The following PRKN variants were observed in gnomAD, a reference collection of about 807,000 sequenced individuals.
PRKN encodes the protein parkin RBR E3 ubiquitin protein ligase.
Under a neutral mutation model 59.5 loss-of-function variants are expected in PRKN, and 56 were observed. That is an observed-to-expected ratio of 0.94 (90% CI 0.76 to 1.18). The LOEUF is 1.18. PRKN is among the 50% of genes most tolerant of loss of function. The pLI is 0.00. For missense variants in PRKN, 657 were observed against 596.4 expected (o/e 1.10, Z -1.06); for synonymous variants, 250 against 222.1 (o/e 1.13, Z -1.12).
chr6:161,430,793 C>A (rs1281510409), intron 9 of PRKN, among the ~76,000 whole-genome samples: 1 of 110,844 alleles, frequency 9.0e-6, no homozygotes, highest in Non-Finnish European at 1.7e-5. Context: ...CCAGCCTGGG[C>A]AACACAGCCA....
At chr6:162,040,590 T>G (rs1193138885) in intron 5 of PRKN, among the ~76,000 whole-genome samples, 2 of 147,654 alleles carry the variant, frequency 1.4e-5, no homozygotes, top group African/African-American at 2.5e-5. Context: ...TTTTTTTTTT[T>G]TGTATTTTTT....
In PRKN at chr6:161,462,649, AT is replaced by A; in HGVS notation, c.1084-75773del. On this transcript the variant is annotated intron_variant, in intron 9 of 11. Transcript: ENST00000366898. The surrounding 1 kb of genome is among the most constrained non-coding windows in gnomAD (Gnocchi z 4.5). ...GGGTGATCATATTAAAAAAATCAAAATTTAATATGTCATTAACAGAGGTTAA... is the reference window on the plus strand; with the variant it reads ...GGGTGATCATATTAAAAAAATCAAAATTAATATGTCATTAACAGAGGTTAA... Among the ~76,000 whole-genome samples, 1 of 152,190 alleles carries A rather than the reference AT, an allele frequency of 6.6e-6. No homozygotes were observed. Among genetic ancestry groups the A allele is most frequent in the East Asian group, 1.9e-4 (1 of 5,186 alleles).
intron 1 of PRKN, among the ~76,000 whole-genome samples, chr6:162,595,898 T>A (rs1277527368): frequency 6.6e-6 from 1 of 152,126 alleles, no homozygotes; most frequent in African/African-American, 2.4e-5. Context: ...GAAAATAAGC[T>A]CATTGAATAT....
intron 7 of PRKN, among the ~76,000 whole-genome samples, chr6:161,770,811 G>A (rs1007450106): frequency 2.6e-5 from 4 of 151,998 alleles, no homozygotes; most frequent in Non-Finnish European, 5.9e-5. Flanking sequence ...TATTGGTGTA[G>A]ATCTTCACCC....
chr6:162,238,852 A>G (rs565686020), intron 3 of PRKN, among the ~76,000 whole-genome samples: 26 of 152,294 alleles, frequency 1.7e-4, no homozygotes, highest in African/African-American at 6.3e-4. Context: ...GTGGAGCAGG[A>G]AGCAAAGGAT....
intron 7 of PRKN, among the ~76,000 whole-genome samples, chr6:161,587,546 T>A (rs760823857): frequency 1.3e-5 from 2 of 152,192 alleles, no homozygotes; most frequent in African/African-American, 2.4e-5. Flanking sequence ...AATACTTTAA[T>A]GCTATCCTGA....
At position 161,888,961 on chromosome 6, in the gene PRKN, C is replaced by G. The variant is rs540413302; in HGVS notation, c.734+84341G>C. 4.3e-4 allele frequency among the ~76,000 whole-genome samples: 66 copies of G among 152,196 alleles called. 1 individual carries two copies. The South Asian group carries it at 0.013, about 30-fold the overall frequency. ...TCATTACCCTATTCTGTGCCTGCCT[C>G]AAGAAGCTGACTTTGGGCAGACAAA... is the stretch of plus-strand genomic sequence containing the variant. On this transcript the variant is annotated intron_variant, in intron 6 of 11. Coordinates refer to ENST00000366898, the MANE Select transcript of PRKN (RefSeq NM_004562.3).
intron 4 of PRKN, among the ~76,000 whole-genome samples, chr6:162,152,129 T>C (rs1051340395): frequency 1.3e-5 from 2 of 152,158 alleles, no homozygotes; most frequent in Non-Finnish European, 2.9e-5. Flanking sequence ...AAGGCTCTTC[T>C]CTGATTTTAC....
Position 161,777,719 on chromosome 6 carries a change from A to G in PRKN, c.871+8053T>C, listed in dbSNP as rs909382258. ...ACACAATATATAAGAGATATTTTAT[A>G]TACATATATATCTATATATGTATAT... On this transcript the variant is annotated intron_variant, in intron 7 of 11. Coordinates refer to ENST00000366898, the MANE Select transcript of PRKN (RefSeq NM_004562.3). Among the ~76,000 whole-genome samples the G allele has an allele frequency of 1.2e-3, 169 of 143,888 alleles. 1 individual carries two copies. The highest frequency in any genetic ancestry group is 4.1e-3 in the African/African-American group (159 of 39,090). The allele number at this position is 143,888 out of a possible 152,430, so 94.4% of individuals were successfully genotyped here.
intron 7 of PRKN, among the ~76,000 whole-genome samples, chr6:161,697,304 G>A (rs188912805): frequency 3.3e-5 from 5 of 152,306 alleles, no homozygotes; most frequent in Admixed American, 6.5e-5. Context: ...GAAAGACAAT[G>A]ATATCATGGA....
At chr6:161,751,727 T>C (rs1788702083) in intron 7 of PRKN, among the ~76,000 whole-genome samples, 1 of 152,226 alleles carries the variant, frequency 6.6e-6, no homozygotes, top group Admixed American at 6.5e-5. Context: ...TGGGAGATGA[T>C]ACCAAATAAA....
At chr6:162,438,512 A>AC (rs35761365) in intron 2 of PRKN, among the ~76,000 whole-genome samples, 5 of 151,864 alleles carry the variant, frequency 3.3e-5, no homozygotes, top group African/African-American at 1.2e-4. Context: ...TAAAAAAAAA[A>AC]GTATTGATTT....
chr6:162,173,893 G>A (rs1303116364), intron 4 of PRKN, among the ~76,000 whole-genome samples: 1 of 152,198 alleles, frequency 6.6e-6, no homozygotes, highest in African/African-American at 2.4e-5. Flanking sequence ...TTGGGTGTCA[G>A]CTATTCTCAT....
chr6:162,420,547 T>A (rs1206734288), intron 2 of PRKN, among the ~76,000 whole-genome samples: 1 of 152,232 alleles, frequency 6.6e-6, no homozygotes, highest in Non-Finnish European at 1.5e-5. Context: ...AGTGGAACTC[T>A]TAAAACTGCA....
chr6:161,454,178 C>T lies in PRKN; in HGVS notation c.1084-67301G>A, dbSNP rs1002078213. Among the ~76,000 whole-genome samples, 4 of 152,068 alleles carry T rather than the reference C, an allele frequency of 2.6e-5. No individual in the cohort carries two copies. Among genetic ancestry groups the T allele is most frequent in the Admixed American group, 6.6e-5 (1 of 15,266 alleles). ...GCTAGGGTTGCCAGCAGCATTTTGG[C>T]GATGTCCCCTTGGGTCACAGAACGG... On this transcript the variant is annotated intron_variant, in intron 9 of 11. Transcript: ENST00000366898. This position sits in a 1 kb window ranked among gnomAD's most constrained non-coding sequence, Gnocchi z 4.6.
intron 6 of PRKN, among the ~76,000 whole-genome samples, chr6:161,962,303 T>C (rs1780410284): frequency 6.6e-6 from 1 of 152,186 alleles, no homozygotes; most frequent in Non-Finnish European, 1.5e-5. Context: ...GGCACAAACA[T>C]TATTTGCAAT....
chr6:161,530,052 A>G lies in PRKN; in HGVS notation c.1083+18802T>C, dbSNP rs1015026826. ...GCATTTAAAAAAAAAACCCTCATTC[A>G]TTTCACACCACTCTGATGTTTTAGC... On this transcript the variant is annotated intron_variant, in intron 9 of 11. Coordinates refer to ENST00000366898, the MANE Select transcript of PRKN (RefSeq NM_004562.3). The surrounding 1 kb of genome is among the most constrained non-coding windows in gnomAD (Gnocchi z 5.0). 2.0e-5 allele frequency among the ~76,000 whole-genome samples: 3 copies of G among 152,048 alleles called. No homozygotes were observed. Among genetic ancestry groups the G allele is most frequent in the African/African-American group, 2.4e-5 (1 of 41,398 alleles).
At chr6:162,383,146 T>C (rs1008446942) in intron 2 of PRKN, among the ~76,000 whole-genome samples, 1 of 152,174 alleles carries the variant, frequency 6.6e-6, no homozygotes, top group Non-Finnish European at 1.5e-5. Flanking sequence ...AATGTTAATA[T>C]TTTGACCTCT....
At chr6:162,436,440 C>T (rs2128164970) in intron 2 of PRKN, among the ~76,000 whole-genome samples, 1 of 151,182 alleles carries the variant, frequency 6.6e-6, no homozygotes, top group South Asian at 2.1e-4. Flanking sequence ...TCAAGAGATT[C>T]TCCGCCTCAG....
Sources: gnomAD v4.1 joint callset for allele counts (sites outside exome capture counted in the v4.1 genomes callset) on GRCh38, gnomAD v4.1.1 for gene constraint, Gnocchi (gnomAD v3.1) non-coding constraint, MANE v1.5 for transcripts, NCBI Gene and HGNC (gene_info 2026-07-23, HGNC 2026-07-21) for gene names.